The following ATE1 variants were observed in gnomAD, a reference collection of about 807,000 sequenced individuals.
ATE1 encodes the protein arginyltransferase 1.
In ATE1, 36 loss-of-function variants were observed where a neutral mutation model predicts 70.5. The observed-to-expected ratio is 0.51, with a 90% CI of 0.39 to 0.67. The LOEUF is 0.67. Ranked by LOEUF, ATE1 falls within the 30% of genes least tolerant of loss-of-function variation. The pLI is 0.00. For missense variants in ATE1, 593 were observed against 629.5 expected (o/e 0.94, Z 0.62); for synonymous variants, 232 against 219.3 (o/e 1.06, Z -0.51).
intron 10 of ATE1, among the ~76,000 whole-genome samples, chr10:121,831,384 A>G (rs7086864): frequency 0.092 from 13,993 of 152,218 alleles, 2,063 homozygotes; most frequent in African/African-American, 0.31. Context: ...TTACATCATT[A>G]TCAGCAGACA....
At position 121,902,531 on chromosome 10, in the gene ATE1, G is replaced by C. The variant is rs778632792; in HGVS notation, c.673C>G (p.Pro225Ala). ...RKRLKLMQQN[P>A]AGELEGFQAQ... is the part of the protein sequence containing the mutation. ...TGGAAACCCTCAAGTTCTCCAGCTG[G>C]GTTCTGCTGCATTAGTTTTAACCTT... Residue 225 changes from proline (P) to alanine (A), a missense_variant, in exon 6 of 12, where the codon CCA becomes GCA. This residue lies in a region of ATE1 where 467 missense variants were observed against 469.6 expected (regional missense o/e 0.99). Coordinates refer to ENST00000224652, the MANE Select transcript of ATE1 (RefSeq NM_001001976.3). 1.9e-6 allele frequency: 3 copies of C among 1,614,150 alleles called. No individual in the cohort carries two copies. Among genetic ancestry groups the C allele is most frequent in the Non-Finnish European group, 2.5e-6 (3 of 1,180,034 alleles).
chr10:121,873,599 G>A (rs1949934649), intron 7 of ATE1, among the ~76,000 whole-genome samples: 1 of 151,698 alleles, frequency 6.6e-6, no homozygotes, highest in African/African-American at 2.4e-5. Flanking sequence ...CTAAGTATAG[G>A]GGTAGGGGGA....
chr10:121,924,389 A>C, intron 1 of ATE1, 60 bp from the exon 2 acceptor site: 1 of 1,508,778 alleles, frequency 6.6e-7, no homozygotes, highest in Non-Finnish European at 9.2e-7. Context: ...TTTTAAATTC[A>C]AAGTGTGAGG....
chr10:121,778,986 A>G (rs879312175), intron 11 of ATE1, among the ~76,000 whole-genome samples: 1 of 152,102 alleles, frequency 6.6e-6, no homozygotes, highest in African/African-American at 2.4e-5. Flanking sequence ...TTAATCCTAC[A>G]TTAGCTTCCC....
intron 7 of ATE1, among the ~76,000 whole-genome samples, chr10:121,896,170 A>G (rs1016710610): frequency 6.6e-6 from 1 of 152,272 alleles, no homozygotes; most frequent in Admixed American, 6.5e-5. Flanking sequence ...TGGTCAGTAG[A>G]TCTAGAAGCT....
chr10:121,818,213 C>T (rs182425617), intron 10 of ATE1, among the ~76,000 whole-genome samples: 111 of 134,242 alleles, frequency 8.3e-4, no homozygotes, highest in African/African-American at 3.0e-3. Flanking sequence ...ACTGAGATTG[C>T]ACCACTGCAC....
At chr10:121,844,244 A>G (rs1039417812) in intron 8 of ATE1, among the ~76,000 whole-genome samples, 1 of 152,228 alleles carries the variant, frequency 6.6e-6, no homozygotes, top group Non-Finnish European at 1.5e-5. Context: ...CAGCCTATGC[A>G]AGACCCTGTC....
chr10:121,887,085 A>T (rs1950424090), intron 7 of ATE1, among the ~76,000 whole-genome samples: 1 of 152,232 alleles, frequency 6.6e-6, no homozygotes, highest in African/African-American at 2.4e-5. Flanking sequence ...AATAAATGAT[A>T]GAAAAAGAAG....
At chr10:121,791,055 CGTGTGTGTGTGT>C (rs71189171) in intron 10 of ATE1, among the ~76,000 whole-genome samples, 7,463 of 135,742 alleles carry the variant, frequency 0.055, 298 homozygotes, top group Non-Finnish European at 0.067. Flanking sequence ...TATATGTATA[CGTGTGTGTGTGT>C]GTGTGTGTGT....
intron 8 of ATE1, among the ~76,000 whole-genome samples, chr10:121,862,446 T>A (rs1949507072): frequency 6.6e-6 from 1 of 151,978 alleles, no homozygotes; most frequent in African/African-American, 2.4e-5. Flanking sequence ...AGCCTTGAAC[T>A]CCTGGGCTCA....
intron 8 of ATE1, among the ~76,000 whole-genome samples, chr10:121,853,804 G>A (rs563065380): frequency 2.0e-5 from 3 of 152,242 alleles, no homozygotes; most frequent in Non-Finnish European, 2.9e-5. Context: ...CACAGTTCTC[G>A]AGGCTGAGAA....
In ATE1 at chr10:121,743,688, T is replaced by G; in HGVS notation, c.1549A>C (p.Arg517=). 3 of 1,608,780 alleles carry G rather than the reference T, an allele frequency of 1.9e-6. No homozygotes were observed. The highest frequency in any genetic ancestry group is 2.5e-6 in the Non-Finnish European group (3 of 1,178,058). Residue 517 remains arginine, a synonymous_variant, in exon 12 of 12, where the codon AGA becomes CGA. Coordinates refer to ENST00000224652, the MANE Select transcript of ATE1 (RefSeq NM_001001976.3). ...CGGCAGAGGTGAACAGGTCAGTTTC[T>G]GAACAGCAGCATCCGCTCGGAGCAC... ...QKCSERMLLF[R]N is the part of the protein sequence containing the mutation.
At chr10:121,915,997 G>A (rs1391195121) in intron 3 of ATE1, among the ~76,000 whole-genome samples, 1 of 151,884 alleles carries the variant, frequency 6.6e-6, no homozygotes, top group Non-Finnish European at 1.5e-5. Context: ...AGCACTTTGG[G>A]AGGCCGAGGC....
intron 10 of ATE1, among the ~76,000 whole-genome samples, chr10:121,833,301 TAA>T (rs535442683): frequency 5.5e-5 from 8 of 144,730 alleles, no homozygotes; most frequent in African/African-American, 1.5e-4. Context: ...AAATCTTTGT[TAA>T]AAAAAAAAAA....
At chr10:121,761,822 C>A (rs1018637495) in intron 11 of ATE1, among the ~76,000 whole-genome samples, 1 of 152,094 alleles carries the variant, frequency 6.6e-6, no homozygotes, top group Non-Finnish European at 1.5e-5. Flanking sequence ...CTTGTATAAT[C>A]GATTTTTTCT....
intron 11 of ATE1, among the ~76,000 whole-genome samples, chr10:121,744,619 G>A (rs1225800403): frequency 6.6e-6 from 1 of 152,182 alleles, no homozygotes; most frequent in Non-Finnish European, 1.5e-5. Flanking sequence ...ACTAGGTATG[G>A]ACAATGCACC....
Position 121,790,294 on chromosome 10 carries a change from A to G in ATE1, c.1258-5T>C. ...ATCAGAAGGTCTATACTGACCCTGA[A>G]GAAAAGTGAAGGAAAAAGGCACAGG... On this transcript the variant is annotated splice_polypyrimidine_tract_variant and splice_region_variant and intron_variant, in intron 10 of 11. Coordinates refer to ENST00000224652, the MANE Select transcript of ATE1 (RefSeq NM_001001976.3). 6 of 1,612,758 alleles carry G rather than the reference A, an allele frequency of 3.7e-6. No individual in the cohort carries two copies. Among genetic ancestry groups the G allele is most frequent in the Non-Finnish European group, 5.1e-6 (6 of 1,179,532 alleles).
At chr10:121,811,885 C>T (rs1947332046) in intron 10 of ATE1, among the ~76,000 whole-genome samples, 1 of 151,028 alleles carries the variant, frequency 6.6e-6, no homozygotes, top group East Asian at 1.9e-4. Flanking sequence ...TGGTGCTATA[C>T]TGGAATATAA....
At chr10:121,812,418 G>A (rs2133485326) in intron 10 of ATE1, among the ~76,000 whole-genome samples, 1 of 152,188 alleles carries the variant, frequency 6.6e-6, no homozygotes, top group South Asian at 2.1e-4. Flanking sequence ...AGGGAGAAAT[G>A]GGGGGTGGGG....
Sources: allele counts gnomAD v4.1 joint callset (sites outside exome capture counted in the v4.1 genomes callset), GRCh38; gene constraint gnomAD v4.1.1; regional missense constraint gnomAD v4.1.1; transcripts MANE v1.5; gene names NCBI Gene and HGNC (gene_info 2026-07-23, HGNC 2026-07-21).